The following B4GALT6 variants were observed in gnomAD, a reference collection of about 807,000 sequenced individuals.
The protein encoded by B4GALT6 is UDP-Gal:beta-GlcNAc beta-1,4-galactosyltransferase 6.
A neutral mutation model predicts 46.3 loss-of-function variants in B4GALT6; 14 were observed. The observed-to-expected ratio is 0.30, with a 90% CI of 0.20 to 0.47. B4GALT6 has a LOEUF of 0.47. B4GALT6 is among the 20% of genes least tolerant of loss of function. B4GALT6 has a pLI of 0.99. For missense variants in B4GALT6, 386 were observed against 480.1 expected, an observed-to-expected ratio of 0.80 and a Z score of 1.83; for synonymous variants, 168 against 162.0, an observed-to-expected ratio of 1.04 and a Z score of -0.28.
At chr18:31,698,378 C>T in the B4GALT6 span, among the ~76,000 whole-genome samples, 1 of 152,148 alleles carries the variant, frequency 6.6e-6, no homozygotes. Context: ...GTAATCACAG[C>T]ACTTCACTTT....
At position 31,645,513 on chromosome 18, in the gene B4GALT6, A is replaced by AT. The variant is rs557412068; in HGVS notation, c.347-35dup. On this transcript the variant is annotated intron_variant, in intron 3 of 8. Coordinates refer to ENST00000306851, the MANE Select transcript of B4GALT6 (RefSeq NM_004775.5). ...TAAAAATGTAAAGAATTGTTTTAATATTTTTTGCCTCAAAGATCTAGTAGA... is the reference window on the plus strand; with the variant it reads ...TAAAAATGTAAAGAATTGTTTTAATATTTTTTTGCCTCAAAGATCTAGTAGA... 30 of 1,595,264 alleles carry AT rather than the reference A, an allele frequency of 1.9e-5. No homozygotes were observed. The African/African-American group carries it at 3.1e-4, about 17-fold the overall frequency.
intron 1 of B4GALT6, among the ~76,000 whole-genome samples, chr18:31,683,433 A>AT (rs1344094886): frequency 1.3e-5 from 2 of 152,204 alleles, no homozygotes; most frequent in African/African-American, 4.8e-5. Flanking sequence ...AAAACTCAGA[A>AT]AAGTTTTGGA....
chr18:31,707,317 A>T, the B4GALT6 span, among the ~76,000 whole-genome samples: 1 of 151,526 alleles, frequency 6.6e-6, no homozygotes, highest in South Asian at 2.1e-4. Flanking sequence ...CTCACATTCC[A>T]AGGTACTCCA....
At chr18:31,638,551 C>T in intron 5 of B4GALT6, 93 bp downstream of exon 5, 3 of 1,096,806 alleles carry the variant, frequency 2.7e-6, no homozygotes, top group South Asian at 2.9e-5. Context: ...AAGAATCAGA[C>T]TTACCTTATT....
At chr18:31,720,513 C>T in the B4GALT6 span, among the ~76,000 whole-genome samples, 1 of 152,210 alleles carries the variant, frequency 6.6e-6, no homozygotes, top group African/African-American at 2.4e-5. Context: ...CAAAGGACAC[C>T]AGACCTGGAG....
chr18:31,707,265 T>G, the B4GALT6 span, among the ~76,000 whole-genome samples: 2 of 150,558 alleles, frequency 1.3e-5, no homozygotes, highest in Non-Finnish European at 3.0e-5. Context: ...TAATGACTTC[T>G]AGGAAAACTG....
intron 2 of B4GALT6, among the ~76,000 whole-genome samples, chr18:31,662,885 C>T (rs951517435): frequency 6.6e-6 from 1 of 152,092 alleles, no homozygotes; most frequent in African/African-American, 2.4e-5. Flanking sequence ...ATTATTCCTA[C>T]AAAAGTTGTT....
At chr18:31,686,964 TGAGA>T (rs1363729408), upstream of B4GALT6, 1 of 152,220 alleles carries the variant, frequency 6.6e-6, no homozygotes, top group African/African-American at 2.4e-5. Flanking sequence ...TACTATAAAC[TGAGA>T]GAGAAGTAGT....
intron 5 of B4GALT6, among the ~76,000 whole-genome samples, chr18:31,633,813 A>G (rs1434734735): frequency 3.3e-5 from 5 of 152,308 alleles, no homozygotes; most frequent in Admixed American, 2.0e-4. Context: ...GCTCTGCAGA[A>G]AAGAGCACCA....
intron 2 of B4GALT6, among the ~76,000 whole-genome samples, chr18:31,664,560 T>C (rs963149638): frequency 5.3e-5 from 8 of 150,772 alleles, no homozygotes; most frequent in African/African-American, 1.5e-4. Context: ...CAGGATACTA[T>C]GGGGAAAGAT....
At chr18:31,650,052 G>C (rs2074045638) in intron 3 of B4GALT6, among the ~76,000 whole-genome samples, 1 of 152,146 alleles carries the variant, frequency 6.6e-6, no homozygotes, top group Admixed American at 6.5e-5. Context: ...GAAATGACTG[G>C]CTTTCAACTC....
intron 5 of B4GALT6, among the ~76,000 whole-genome samples, chr18:31,637,390 C>CTTTTTTTT (rs58990857): frequency 8.6e-6 from 1 of 116,018 alleles, no homozygotes; most frequent in African/African-American, 3.3e-5. Context: ...GCAATGTATG[C>CTTTTTTTT]TTTTTTTTTT....
chr18:31,712,925 A>G, the B4GALT6 span, among the ~76,000 whole-genome samples: 2 of 152,200 alleles, frequency 1.3e-5, no homozygotes, highest in East Asian at 3.9e-4. Context: ...ATATAAAAAC[A>G]ATATTTTATT....
At chr18:31,626,628 C>T (rs565505694) in intron 7 of B4GALT6, among the ~76,000 whole-genome samples, 1 of 152,224 alleles carries the variant, frequency 6.6e-6, no homozygotes, top group African/African-American at 2.4e-5. Flanking sequence ...CAGAGGAACA[C>T]AAACCCTATT....
intron 3 of B4GALT6, among the ~76,000 whole-genome samples, chr18:31,651,101 A>C (rs1330505022): frequency 6.8e-6 from 1 of 146,410 alleles, no homozygotes; most frequent in East Asian, 2.0e-4. Flanking sequence ...GATCATCTGA[A>C]TCACACTTAA....
In B4GALT6 at chr18:31,624,254, T is replaced by G. The variant is rs933271692; in HGVS notation, c.*1360A>C. ...GCACCAAATAACTCATCACGTATTT[T>G]AAGACAATGCTATTAAATTATGCTT... On this transcript the variant is annotated 3_prime_UTR_variant, in exon 9 of 9. Coordinates refer to ENST00000306851, the MANE Select transcript of B4GALT6 (RefSeq NM_004775.5). 1 of 152,048 alleles carries G rather than the reference T, an allele frequency of 6.6e-6. No individual in the cohort carries two copies. The highest frequency in any genetic ancestry group is 1.5e-5 in the Non-Finnish European group (1 of 67,906). The allele number at this position is 152,048 out of a possible 1,614,324, so 9.4% of individuals were successfully genotyped here.
chr18:31,707,593 A>T, the B4GALT6 span, among the ~76,000 whole-genome samples: 1 of 152,218 alleles, frequency 6.6e-6, no homozygotes, highest in Non-Finnish European at 1.5e-5. Context: ...GAGAAGATGA[A>T]TAAAACATTT....
chr18:31,665,868 C>T (rs1347670824), intron 2 of B4GALT6, among the ~76,000 whole-genome samples: 1 of 152,220 alleles, frequency 6.6e-6, no homozygotes, highest in Non-Finnish European at 1.5e-5. Flanking sequence ...CAACTATTTT[C>T]TAGACCTAGT....
At chr18:31,697,589 C>G in the B4GALT6 span, among the ~76,000 whole-genome samples, 1 of 152,272 alleles carries the variant, frequency 6.6e-6, no homozygotes, top group East Asian at 1.9e-4. Flanking sequence ...TTAGGGGGAA[C>G]TATTATCATC....
Sources: allele counts gnomAD v4.1 joint callset (sites outside exome capture counted in the v4.1 genomes callset), GRCh38; gene constraint gnomAD v4.1.1; transcripts MANE v1.5; gene names NCBI Gene and HGNC (gene_info 2026-07-23, HGNC 2026-07-21).